Variants in DNAH8 observed in about 807,000 individuals in gnomAD.
The protein encoded by DNAH8 is dynein axonemal heavy chain 8.
DNAH8 carries 382 observed loss-of-function variants against 562.1 expected under a neutral mutation model. The observed-to-expected ratio is 0.68, with a 90% CI of 0.63 to 0.74. The LOEUF is 0.74. DNAH8 is among the 30% of genes least tolerant of loss of function. The pLI is 0.00. For synonymous variants in DNAH8, 1,881 were observed against 1,919.4 expected (o/e 0.98, Z 0.52); for missense variants, 5,203 against 5,620.4 (o/e 0.93, Z 2.37).
At position 38,770,992 on chromosome 6, in the gene DNAH8, T is replaced by C. The variant is rs372532277; in HGVS notation, c.1764+433T>C. ...ATACAAAAACATTGTGCGGGTGATA[T>C]CTTTTCTGGACAGACATAGGTTTGA... On this transcript the variant is annotated intron_variant, in intron 12 of 92. Coordinates refer to ENST00000327475, the MANE Select transcript of DNAH8 (RefSeq NM_001206927.2). Among the ~76,000 whole-genome samples, 7 of 152,318 alleles carry C rather than the reference T, an allele frequency of 4.6e-5. No individual in the cohort carries two copies. The East Asian group carries it at 9.6e-4, about 21-fold the overall frequency.
chr6:38,780,119 T>C, intron 15 of DNAH8, 54 bp downstream of exon 15: 4 of 1,538,346 alleles, frequency 2.6e-6, no homozygotes, highest in Non-Finnish European at 2.7e-6. Context: ...AGAAAAAAAA[T>C]CTGAAAATAT....
At chr6:38,845,798 A>G in intron 36 of DNAH8, 25 bp downstream of exon 36, 1 of 1,558,576 alleles carries the variant, frequency 6.4e-7, no homozygotes, top group Non-Finnish European at 8.8e-7. Context: ...TGAGAGAGAG[A>G]TTTAAATGGG....
chr6:38,933,952 T>A (rs1224181224), intron 76 of DNAH8, among the ~76,000 whole-genome samples: 2 of 152,218 alleles, frequency 1.3e-5, no homozygotes, highest in Admixed American at 1.3e-4. Context: ...AGCCACAAGA[T>A]AAGTACTGTC....
chr6:38,750,156 A>G (rs547535348), intron 8 of DNAH8, among the ~76,000 whole-genome samples: 2 of 152,334 alleles, frequency 1.3e-5, no homozygotes, highest in East Asian at 1.9e-4. Flanking sequence ...TAATAACTTG[A>G]CCCATTCTTG....
intron 41 of DNAH8, among the ~76,000 whole-genome samples, chr6:38,854,476 T>C (rs1776024508): frequency 6.6e-6 from 1 of 152,202 alleles, no homozygotes; most frequent in Non-Finnish European, 1.5e-5. Flanking sequence ...TGATGTATCA[T>C]TTATTCAAAC....
Position 38,772,971 on chromosome 6 carries a change from CTTTTTTTTTTTTTT to C in DNAH8, c.1764+2426_1764+2439del, listed in dbSNP as rs58784448. ...ATACCACCATGCCTAGCTAATTAAA[CTTTTTTTTTTTTTT>C]TTTTTTTTTTTTTGTAGAGATGGGG... On this transcript the variant is annotated intron_variant, in intron 12 of 92. Transcript: ENST00000327475. Among the ~76,000 whole-genome samples, 25 of 88,088 alleles carry C rather than the reference CTTTTTTTTTTTTTT, an allele frequency of 2.8e-4. 1 individual carries two copies. The highest frequency in any genetic ancestry group is 6.6e-3 in the Middle Eastern group (1 of 152). 57.8% of individuals were successfully genotyped at this position (88,088 alleles called of 152,430 possible).
chr6:38,851,807 C>A, intron 39 of DNAH8, 133 bp downstream of exon 39: 1 of 678,680 alleles, frequency 1.5e-6, no homozygotes. Flanking sequence ...CATAAAATTT[C>A]ATATTTTCTG....
At chr6:38,823,972 C>G (rs1431883567) in intron 28 of DNAH8, among the ~76,000 whole-genome samples, 6 of 152,120 alleles carry the variant, frequency 3.9e-5, no homozygotes, top group Non-Finnish European at 8.8e-5. Context: ...TCCGTAGACA[C>G]ACTACACAGG....
intron 26 of DNAH8, among the ~76,000 whole-genome samples, chr6:38,816,646 T>C (rs1455437882): frequency 1.3e-5 from 2 of 152,170 alleles, no homozygotes; most frequent in East Asian, 3.8e-4. Context: ...TTCTAGGTCT[T>C]TGAGGAATTG....
Position 38,780,739 on chromosome 6 carries a change from G to A in DNAH8, c.2140-515G>A, listed in dbSNP as rs139504942. On this transcript the variant is annotated intron_variant, in intron 15 of 92. Transcript: ENST00000327475. ...AGGAAAAGCAACTAATGGACACTAA[G>A]CTTAACACCTGGGTGATGAAAAAAT... Among the ~76,000 whole-genome samples the A allele has an allele frequency of 3.2e-3, 484 of 152,188 alleles. 2 individuals are homozygous for A. The highest frequency in any genetic ancestry group is 0.011 in the African/African-American group (454 of 41,514).
chr6:38,859,918 T>C (rs1434237240), intron 42 of DNAH8, among the ~76,000 whole-genome samples: 1 of 152,048 alleles, frequency 6.6e-6, no homozygotes, highest in African/African-American at 2.4e-5. Context: ...CTGTGAACCC[T>C]CAACTCTCAT....
chr6:38,736,129 G>GA (rs542990147), intron 5 of DNAH8, among the ~76,000 whole-genome samples: 3,573 of 144,312 alleles, frequency 0.025, 50 homozygotes, highest in Non-Finnish European at 0.038. Context: ...CAGAGTGAGA[G>GA]AAAAAAAAAA....
intron 4 of DNAH8, among the ~76,000 whole-genome samples, chr6:38,731,942 C>G (rs1440911107): frequency 6.6e-6 from 1 of 152,208 alleles, no homozygotes; most frequent in Non-Finnish European, 1.5e-5. Flanking sequence ...TCTTGAACTC[C>G]TGGCCTCAGG....
At chr6:38,888,485 A>AATT (rs1779114864) in intron 57 of DNAH8, among the ~76,000 whole-genome samples, 1 of 152,186 alleles carries the variant, frequency 6.6e-6, no homozygotes, top group African/African-American at 2.4e-5. Context: ...TAACACATAT[A>AATT]ATAACAACAA....
chr6:38,976,685 T>C (rs1242884934), intron 85 of DNAH8, among the ~76,000 whole-genome samples: 1 of 152,218 alleles, frequency 6.6e-6, no homozygotes, highest in Non-Finnish European at 1.5e-5. Flanking sequence ...TCAACTGCTA[T>C]AGGAAGGAAT....
At chr6:38,799,822 C>T (rs910095258) in intron 21 of DNAH8, among the ~76,000 whole-genome samples, 2 of 152,186 alleles carry the variant, frequency 1.3e-5, no homozygotes, top group Non-Finnish European at 2.9e-5. Flanking sequence ...TATAGACATG[C>T]CTATTCTGGA....
rs935247541 is a variant in DNAH8 at position 38,775,618 on chromosome 6, T to C, written c.1765-136T>C. On this transcript the variant is annotated intron_variant, in intron 12 of 92. Transcript: ENST00000327475. ...GATTTGTCTTCTGTTTTATCTCCTCTGGTTGGTTTTAGCGAAATTATTCTA... is the reference window on the plus strand; with the variant it reads ...GATTTGTCTTCTGTTTTATCTCCTCCGGTTGGTTTTAGCGAAATTATTCTA... 5 of 590,456 alleles carry C rather than the reference T, an allele frequency of 8.5e-6. No homozygotes were observed. In the African/African-American group the frequency reaches 9.3e-5, roughly 11 times the overall value. The allele number at this position is 590,456 out of a possible 1,614,324, so 36.6% of individuals were successfully genotyped here. A position where few individuals can be genotyped will look rare whatever the true frequency, so the allele number is the denominator to read the frequency against.
intron 11 of DNAH8, among the ~76,000 whole-genome samples, chr6:38,765,759 CA>C (rs1465530254): frequency 1.3e-5 from 2 of 152,074 alleles, no homozygotes; most frequent in Non-Finnish European, 2.9e-5. Flanking sequence ...TCCAGCTTTG[CA>C]AATTAAAAAC....
chr6:38,922,780 A>G (rs1289428297), intron 71 of DNAH8, among the ~76,000 whole-genome samples: 3 of 152,238 alleles, frequency 2.0e-5, no homozygotes, highest in South Asian at 2.1e-4. Context: ...AAAATATTCA[A>G]TAGAAATACT....
Sources: gnomAD v4.1 joint callset for allele counts (sites outside exome capture counted in the v4.1 genomes callset) on GRCh38, gnomAD v4.1.1 for gene constraint, MANE v1.5 for transcripts, NCBI Gene and HGNC (gene_info 2026-07-23, HGNC 2026-07-21) for gene names.